CRIM1: variants seen among roughly 807,000 people sequenced by gnomAD.
CRIM1 encodes the protein cysteine-rich motor neuron 1 protein.
CRIM1 carries 32 observed loss-of-function variants against 116.4 expected under a neutral mutation model. The observed-to-expected ratio is 0.27, with a 90% CI of 0.21 to 0.37. CRIM1 has a LOEUF of 0.37. Ranked by LOEUF, CRIM1 falls within the 10% of genes least tolerant of loss-of-function variation. The pLI is 1.00. For synonymous variants in CRIM1, 590 were observed against 509.2 expected (o/e 1.16, Z -2.13); for missense variants, 1,331 against 1,354.8 (o/e 0.98, Z 0.28).
intron 2 of CRIM1, among the ~76,000 whole-genome samples, chr2:36,430,361 A>C (rs1445210277): frequency 1.3e-5 from 2 of 152,204 alleles, no homozygotes; most frequent in African/African-American, 4.8e-5. Context: ...TTATTTGTTG[A>C]AATGCCTTTT....
chr2:36,442,713 G>A lies in CRIM1; in HGVS notation c.847G>A (p.Gly283Ser). Residue 283 changes from glycine (G) to serine (S), a missense_variant, in exon 4 of 17, where the codon GGT (glycine) becomes AGT (serine). Physicochemically the swap from Gly to Ser is moderately conservative, Grantham distance 56. This residue lies in a region of CRIM1 where 690 missense variants were observed against 676.0 expected (regional missense o/e 1.02). Coordinates refer to ENST00000280527, the MANE Select transcript of CRIM1 (RefSeq NM_016441.3). ...YETQVRLTAD[G>S]CCTLPTRCEC... is the part of the protein sequence containing the mutation. ...AACTCAAGTCAGACTAACTGCAGAT[G>A]GTTGCTGTACTTTGCCAACAAGGTT... is the stretch of plus-strand genomic sequence containing the variant. 6.2e-7 allele frequency: 1 copy of A among 1,614,168 alleles called. No homozygotes were observed. Among genetic ancestry groups the A allele is most frequent in the Non-Finnish European group, 8.5e-7 (1 of 1,180,018 alleles).
Position 36,517,406 on chromosome 2 carries a change from A to G in CRIM1, c.2070A>G (p.Gly690=). Residue 690 remains glycine, a synonymous_variant, in exon 12 of 17, where the codon GGA becomes GGG. Coordinates refer to ENST00000280527, the MANE Select transcript of CRIM1 (RefSeq NM_016441.3). ...CTGGAGGAGAATACTTTGTGGAAGG[A>G]GAAACGTGGAACATTGACTCCTGTA... is the stretch of plus-strand genomic sequence containing the variant. The part of the protein sequence containing the change: ...HAPGGEYFVE[G]ETWNIDSCTQ... 13 of 1,614,216 alleles carry G rather than the reference A, an allele frequency of 8.1e-6. No individual in the cohort carries two copies. The highest frequency in any genetic ancestry group is 1.1e-5 in the Non-Finnish European group (13 of 1,180,026).
intron 1 of CRIM1, among the ~76,000 whole-genome samples, chr2:36,392,578 G>A (rs1671698327): frequency 6.6e-6 from 1 of 152,110 alleles, no homozygotes; most frequent in African/African-American, 2.4e-5. Context: ...TTTGCCAACT[G>A]CTGTTAGCAG....
chr2:36,442,588 C>G, intron 3 of CRIM1, 27 bp from the exon 4 acceptor site: 1 of 1,613,814 alleles, frequency 6.2e-7, no homozygotes, highest in Non-Finnish European at 8.5e-7. Flanking sequence ...TAACAATAAA[C>G]GGTGCCTCTC....
chr2:36,438,328 T>C (rs1324683720), intron 2 of CRIM1, among the ~76,000 whole-genome samples: 1 of 152,236 alleles, frequency 6.6e-6, no homozygotes, highest in East Asian at 1.9e-4. Context: ...AATTAAGTGC[T>C]ATTTGCAATC....
chr2:36,407,703 CAAAA>C (rs10719018), intron 2 of CRIM1, among the ~76,000 whole-genome samples: 14 of 99,676 alleles, frequency 1.4e-4, no homozygotes, highest in Non-Finnish European at 1.1e-4. Flanking sequence ...TTGTGCCCGT[CAAAA>C]AAAAAAAAAA....
chr2:36,538,918 T>C (rs1453860118), intron 14 of CRIM1, among the ~76,000 whole-genome samples: 4 of 152,260 alleles, frequency 2.6e-5, no homozygotes, highest in Non-Finnish European at 5.9e-5. Flanking sequence ...TTTAATGATA[T>C]AAATGATGAA....
chr2:36,546,762 G>GT lies in CRIM1; in HGVS notation c.2747-222_2747-221insT, dbSNP rs1558425996. ...ACCCAATTATTAAGATTCTCACTCTGATTTTTTTTTTTTTTTTTTTTTTTT... is the reference window on the plus strand; with the variant it reads ...ACCCAATTATTAAGATTCTCACTCTGTATTTTTTTTTTTTTTTTTTTTTTTT... On this transcript the variant is annotated intron_variant, in intron 15 of 16. Coordinates refer to ENST00000280527, the MANE Select transcript of CRIM1 (RefSeq NM_016441.3). 2.6e-3 allele frequency among the ~76,000 whole-genome samples: 283 copies of GT among 109,488 alleles called. 5 individuals are homozygous for GT. The highest frequency in any genetic ancestry group is 9.7e-3 in the African/African-American group (267 of 27,406). 71.8% of individuals were successfully genotyped at this position (109,488 alleles called of 152,430 possible).
At chr2:36,458,754 T>C (rs982992909) in intron 4 of CRIM1, among the ~76,000 whole-genome samples, 26 of 152,062 alleles carry the variant, frequency 1.7e-4, no homozygotes, top group African/African-American at 6.0e-4. Context: ...TGAGGTCAGT[T>C]TGCAGCAGTG....
chr2:36,516,338 C>T (rs1312229973), intron 11 of CRIM1, among the ~76,000 whole-genome samples: 3 of 152,148 alleles, frequency 2.0e-5, no homozygotes, highest in East Asian at 1.9e-4. Context: ...TCTTTCTCGG[C>T]GGGATTCAAC....
Position 36,548,722 on chromosome 2 carries a change from G to C in CRIM1, c.*21G>C, listed in dbSNP as rs546070010. The C allele has an allele frequency of 6.4e-6, 10 of 1,555,426 alleles. No individual in the cohort carries two copies. In the East Asian group the frequency reaches 2.0e-4, roughly 32 times the overall value. On this transcript the variant is annotated 3_prime_UTR_variant, in exon 17 of 17. Coordinates refer to ENST00000280527, the MANE Select transcript of CRIM1 (RefSeq NM_016441.3). Reference sequence around the variant, plus strand: ...TGTGAAGAAAGGCAACTAGGATGAGGTTTCAAAAGACGGAAGACGACTAAA... The same window carrying C: ...TGTGAAGAAAGGCAACTAGGATGAGCTTTCAAAAGACGGAAGACGACTAAA...
At chr2:36,499,411 T>G (rs950450335) in intron 8 of CRIM1, 64 bp downstream of exon 8, 3 of 1,483,856 alleles carry the variant, frequency 2.0e-6, no homozygotes, top group African/African-American at 2.8e-5. Flanking sequence ...AAGCATATTA[T>G]GTAATTGAAT....
intron 8 of CRIM1, among the ~76,000 whole-genome samples, chr2:36,507,798 C>G (rs1047619201): frequency 6.6e-6 from 1 of 152,212 alleles, no homozygotes; most frequent in Non-Finnish European, 1.5e-5. Context: ...GAAGCACATT[C>G]AAGATCAAGG....
intron 14 of CRIM1, among the ~76,000 whole-genome samples, chr2:36,543,297 C>T (rs1168083433): frequency 1.3e-5 from 2 of 152,318 alleles, no homozygotes; most frequent in East Asian, 3.9e-4. Flanking sequence ...GTACTCTCTT[C>T]TCTATCACTT....
At chr2:36,530,715 T>C (rs192808861) in intron 13 of CRIM1, among the ~76,000 whole-genome samples, 5 of 152,332 alleles carry the variant, frequency 3.3e-5, no homozygotes, top group African/African-American at 1.2e-4. Context: ...ATGTTACCCA[T>C]AGTATACATG....
intron 7 of CRIM1, among the ~76,000 whole-genome samples, chr2:36,481,682 G>A (rs1679429035): frequency 6.6e-6 from 1 of 152,178 alleles, no homozygotes. Context: ...CCATTTTGGA[G>A]ATGAAGACAT....
intron 12 of CRIM1, among the ~76,000 whole-genome samples, chr2:36,519,359 C>T (rs776080564): frequency 6.6e-6 from 1 of 152,308 alleles, no homozygotes; most frequent in South Asian, 2.1e-4. Context: ...AAAGAACAGG[C>T]AACCCCTCAT....
intron 2 of CRIM1, among the ~76,000 whole-genome samples, chr2:36,435,394 T>C (rs1053965900): frequency 6.6e-6 from 1 of 151,798 alleles, no homozygotes; most frequent in African/African-American, 2.4e-5. Context: ...CGAGAAGAGA[T>C]TTCAAAATAG....
At chr2:36,439,501 A>G (rs1415034341) in intron 2 of CRIM1, among the ~76,000 whole-genome samples, 1 of 152,176 alleles carries the variant, frequency 6.6e-6, no homozygotes, top group Non-Finnish European at 1.5e-5. Flanking sequence ...CTAAATCGCC[A>G]GGTACCCCTG....
Sources: gnomAD v4.1 joint callset for allele counts (sites outside exome capture counted in the v4.1 genomes callset) on GRCh38, gnomAD v4.1.1 for gene constraint, gnomAD v4.1.1 regional missense constraint, MANE v1.5 for transcripts, NCBI Gene and HGNC (gene_info 2026-07-23, HGNC 2026-07-21) for gene names.